The following TPTE2 variants were observed in gnomAD, a reference collection of about 807,000 sequenced individuals.
TPTE2 encodes the protein transmembrane phosphoinositide 3-phosphatase and tensin homolog 2, also known as phosphatidylinositol 3,4,5-trisphosphate 3-phosphatase TPTE2.
A neutral mutation model predicts 78.6 loss-of-function variants in TPTE2; 53 were observed. The observed-to-expected ratio is 0.67, with a 90% CI of 0.54 to 0.85. The LOEUF is 0.85. Ranked by LOEUF, TPTE2 falls within the 40% of genes least tolerant of loss-of-function variation. The pLI is 0.00. For synonymous variants in TPTE2, 175 were observed against 206.2 expected, an observed-to-expected ratio of 0.85 and a Z score of 1.30; for missense variants, 461 against 623.0, an observed-to-expected ratio of 0.74 and a Z score of 2.77.
chr13:19,466,663 C>T (rs1879287626), intron 7 of TPTE2, among the ~76,000 whole-genome samples: 1 of 152,212 alleles, frequency 6.6e-6, no homozygotes, highest in African/African-American at 2.4e-5. Flanking sequence ...CTACATGTGT[C>T]ATCTCCTAGT....
chr13:19,534,106 C>T (rs1348344463), intron 1 of TPTE2, among the ~76,000 whole-genome samples: 1 of 152,196 alleles, frequency 6.6e-6, no homozygotes, highest in African/African-American at 2.4e-5. Flanking sequence ...ACCTACTGAA[C>T]ATCAGAGCTT....
chr13:19,474,356 A>G (rs1455840785), intron 5 of TPTE2, among the ~76,000 whole-genome samples: 1 of 152,210 alleles, frequency 6.6e-6, no homozygotes, highest in South Asian at 2.1e-4. Context: ...CATCAGACCA[A>G]CACCTCAAGA....
At chr13:19,520,857 A>G (rs572850588) in intron 1 of TPTE2, among the ~76,000 whole-genome samples, 9 of 152,140 alleles carry the variant, frequency 5.9e-5, no homozygotes, top group African/African-American at 2.2e-4. Flanking sequence ...TGACCAATTG[A>G]TTATTTAAGA....
At chr13:19,466,798 G>T (rs1236591732) in intron 7 of TPTE2, among the ~76,000 whole-genome samples, 4 of 152,216 alleles carry the variant, frequency 2.6e-5, no homozygotes, top group Non-Finnish European at 5.9e-5. Context: ...TAAGGGATTT[G>T]TAGTTGAAGC....
chr13:19,506,622 G>A (rs1032588417), upstream of TPTE2, among the ~76,000 whole-genome samples: 1 of 152,144 alleles, frequency 6.6e-6, no homozygotes, highest in Non-Finnish European at 1.5e-5. Flanking sequence ...AATAGCTGCA[G>A]TTACTCTAGA....
chr13:19,430,934 G>C (rs913324948), intron 16 of TPTE2, among the ~76,000 whole-genome samples: 1 of 151,890 alleles, frequency 6.6e-6, no homozygotes, highest in Non-Finnish European at 1.5e-5. Context: ...CTAAACCAGC[G>C]TGGCCAAGAT....
chr13:19,538,037 A>G (rs1871308232), upstream of TPTE2, among the ~76,000 whole-genome samples: 1 of 152,224 alleles, frequency 6.6e-6, no homozygotes, highest in Admixed American at 6.5e-5. Flanking sequence ...CTAACCATTT[A>G]GTGATTATAT....
chr13:19,464,714 G>C lies in TPTE2; in HGVS notation c.677-194C>G, dbSNP rs574416861. The stretch of plus-strand genomic sequence containing the variant: ...ATCCAACACAATGACCATTAAACTG[G>C]CATGGAGTTCTTAAGTCTCCACTAG... On this transcript the variant is annotated intron_variant, in intron 9 of 19. Coordinates refer to ENST00000400230, the Ensembl canonical transcript of TPTE2. Among the ~76,000 whole-genome samples, 523 of 152,282 alleles carry C rather than the reference G, an allele frequency of 3.4e-3. 1 individual carries two copies. Among genetic ancestry groups the C allele is most frequent in the African/African-American group, 0.012 (503 of 41,566 alleles).
At position 19,514,590 on chromosome 13, in the gene TPTE2, A is replaced by AGTGTGTGTGTGTGTGTGT. The variant is rs1282304990; in HGVS notation, c.-43-11314_-43-11313insACACACACACACACACAC. 5.9e-4 allele frequency among the ~76,000 whole-genome samples: 11 copies of AGTGTGTGTGTGTGTGTGT among 18,708 alleles called. No homozygotes were observed. In the East Asian group the frequency reaches 0.038, roughly 64 times the overall value. 12.3% of individuals were successfully genotyped at this position (18,708 alleles called of 152,430 possible). On this transcript the variant is annotated intron_variant, in intron 1 of 17. Coordinates refer to the TPTE2 transcript ENST00000390680. ...TCAGGATACAGCACCAGTACTTCTGAGAGTGTGTGTGTGTGTGTGTGTGTG... is the reference window on the plus strand; with the variant it reads ...TCAGGATACAGCACCAGTACTTCTGAGTGTGTGTGTGTGTGTGTGAGTGTGTGTGTGTGTGTGTGTGTG...
At chr13:19,527,231 T>A (rs750288381) in intron 1 of TPTE2, among the ~76,000 whole-genome samples, 1 of 152,156 alleles carries the variant, frequency 6.6e-6, no homozygotes, top group Non-Finnish European at 1.5e-5. Flanking sequence ...AGGAATAAGT[T>A]CTAATGTTCT....
At chr13:19,530,363 C>T (rs934000275) in intron 1 of TPTE2, among the ~76,000 whole-genome samples, 1 of 152,120 alleles carries the variant, frequency 6.6e-6, no homozygotes, top group Non-Finnish European at 1.5e-5. Context: ...CATGGGGTGC[C>T]GAAAACCGAG....
At chr13:19,500,487 TG>T (rs1157314298) in intron 1 of TPTE2, among the ~76,000 whole-genome samples, 4 of 150,906 alleles carry the variant, frequency 2.7e-5, no homozygotes, top group African/African-American at 7.3e-5. Context: ...GATGCAAGGC[TG>T]GTTCAATATA....
chr13:19,476,918 T>C (rs947051081), intron 4 of TPTE2, among the ~76,000 whole-genome samples: 1 of 152,174 alleles, frequency 6.6e-6, no homozygotes, highest in Non-Finnish European at 1.5e-5. Flanking sequence ...ATATGAATGT[T>C]CACTGCAGCA....
chr13:19,473,413 A>C (rs1016737662), intron 6 of TPTE2, among the ~76,000 whole-genome samples: 4 of 151,996 alleles, frequency 2.6e-5, no homozygotes, highest in Non-Finnish European at 4.4e-5. Context: ...GCTGTCACTC[A>C]AACCACAAGA....
intron 11 of TPTE2, 41 bp downstream of exon 14, chr13:19,451,124 T>A (rs748636569): frequency 1.9e-6 from 3 of 1,605,602 alleles, no homozygotes; most frequent in Non-Finnish European, 2.6e-6. Context: ...CAGTAATCTG[T>A]TTTCTACCTA....
At chr13:19,426,366 G>T (rs111490861) in intron 18 of TPTE2, 59 bp downstream of exon 21, 10,829 of 1,019,106 alleles carry the variant, frequency 0.011, 234 homozygotes, top group South Asian at 0.061. Flanking sequence ...AAGCAAATCT[G>T]AAATAAAATC....
At chr13:19,424,341 T>C (rs920245488) in intron 19 of TPTE2, among the ~76,000 whole-genome samples, 9 of 152,260 alleles carry the variant, frequency 5.9e-5, no homozygotes. Context: ...TGGCAGGTTT[T>C]TTTGGAACAA....
At chr13:19,559,972 G>C in the TPTE2 span, 2 of 448,816 alleles carry the variant, frequency 4.5e-6, no homozygotes, top group Non-Finnish European at 7.7e-6. Flanking sequence ...CCCCATGCTA[G>C]GCAGGTCCTG....
rs767802408 is a variant in TPTE2 at position 19,423,058 on chromosome 13, G to A, written c.*4C>T. 1.9e-6 allele frequency: 3 copies of A among 1,612,366 alleles called. No individual in the cohort carries two copies. In the South Asian group the frequency reaches 3.3e-5, roughly 18 times the overall value. Reference sequence around the variant, plus strand: ...GTCGGATCCAGCTACAACATCATTGGAAGTCATTTCTCGCCAAAAAGTATC... The same window carrying A: ...GTCGGATCCAGCTACAACATCATTGAAAGTCATTTCTCGCCAAAAAGTATC... On this transcript the variant is annotated 3_prime_UTR_variant, in exon 20 of 20. Coordinates refer to ENST00000400230, the Ensembl canonical transcript of TPTE2.
Sources: gnomAD v4.1 joint callset for allele counts (sites outside exome capture counted in the v4.1 genomes callset) on GRCh38, gnomAD v4.1.1 for gene constraint, MANE v1.5 for transcripts, NCBI Gene and HGNC (gene_info 2026-07-23, HGNC 2026-07-21) for gene names.